Variants in PPP2R2B observed in about 807,000 individuals in gnomAD.
PPP2R2B encodes the protein protein phosphatase 2 regulatory subunit Bbeta, also known as serine/threonine-protein phosphatase 2A 55 kDa regulatory subunit B beta isoform.
PPP2R2B carries 5 observed loss-of-function variants against 46.0 expected under a neutral mutation model. The ratio of observed to expected loss-of-function variants is 0.11; its 90% CI spans 0.06 to 0.23. PPP2R2B has a LOEUF of 0.23. PPP2R2B is among the 10% of genes least tolerant of loss of function. The pLI is 1.00. For missense variants in PPP2R2B, 367 were observed against 575.0 expected (o/e 0.64, Z 3.70); for synonymous variants, 215 against 206.7 (o/e 1.04, Z -0.34).
chr5:146,864,221 T>G (rs2151398281), intron 2 of PPP2R2B, among the ~76,000 whole-genome samples: 1 of 152,174 alleles, frequency 6.6e-6, no homozygotes, highest in East Asian at 1.9e-4. Flanking sequence ...AACTATAGAA[T>G]GTTAACTACA....
chr5:147,022,129 T>C (rs1032489481), intron 1 of PPP2R2B, among the ~76,000 whole-genome samples: 2 of 151,966 alleles, frequency 1.3e-5, no homozygotes, highest in Non-Finnish European at 1.5e-5. Flanking sequence ...ACTAAAACAT[T>C]AAAAAGTGGC....
intron 2 of PPP2R2B, among the ~76,000 whole-genome samples, chr5:146,828,961 G>T (rs555462415): frequency 6.6e-6 from 1 of 152,094 alleles, no homozygotes; most frequent in Admixed American, 6.6e-5. Context: ...CTTTGATACA[G>T]GACAGCCTTC....
At chr5:146,869,618 G>A (rs1226735860) in intron 2 of PPP2R2B, among the ~76,000 whole-genome samples, 1 of 152,196 alleles carries the variant, frequency 6.6e-6, no homozygotes, top group Non-Finnish European at 1.5e-5. Flanking sequence ...TGAATAGAAA[G>A]ATGGCTCTGA....
At chr5:147,010,474 G>A (rs923493122) in intron 1 of PPP2R2B, among the ~76,000 whole-genome samples, 2 of 152,168 alleles carry the variant, frequency 1.3e-5, no homozygotes, top group Non-Finnish European at 2.9e-5. Flanking sequence ...ATGGTCCCAT[G>A]TTGGGGGTGA....
At chr5:146,708,051 TA>T (rs1779977217) in intron 2 of PPP2R2B, among the ~76,000 whole-genome samples, 1 of 152,198 alleles carries the variant, frequency 6.6e-6, no homozygotes, top group Admixed American at 6.5e-5. Context: ...TAAAACTTTT[TA>T]AAAATTTAAA....
intron 5 of PPP2R2B, among the ~76,000 whole-genome samples, chr5:146,682,504 A>T (rs371388): frequency 0.079 from 12,059 of 152,248 alleles, 1,243 homozygotes; most frequent in African/African-American, 0.25. Context: ...TGGTTTAAAA[A>T]TATGGCTGTG....
intron 1 of PPP2R2B, among the ~76,000 whole-genome samples, chr5:146,950,404 C>G (rs1295090554): frequency 2.0e-5 from 3 of 152,018 alleles, no homozygotes; most frequent in African/African-American, 7.2e-5. Flanking sequence ...CAGAGCCTGA[C>G]AGTTGTTCTA....
chr5:146,675,944 C>A (rs1777682440), intron 5 of PPP2R2B, among the ~76,000 whole-genome samples: 1 of 151,922 alleles, frequency 6.6e-6, no homozygotes, highest in Non-Finnish European at 1.5e-5. Flanking sequence ...TAATCGGAAG[C>A]TTATCTTTTC....
rs75981662 is a variant in PPP2R2B, at chr5:146,798,834, G to A, written c.70+79168C>T. On this transcript the variant is annotated intron_variant, in intron 2 of 9. Transcript: ENST00000394411. ...CTCCAGGGTATACAGCTAACAAATA[G>A]TAGATCTGGGAATCAGGTCCATGTC... Among the ~76,000 whole-genome samples, 1,478 of 152,262 alleles carry A rather than the reference G, an allele frequency of 9.7e-3. 27 individuals are homozygous for A. Among genetic ancestry groups the A allele is most frequent in the African/African-American group, 0.033 (1,386 of 41,552 alleles).
At chr5:147,031,136 C>T (rs1357348691) in intron 1 of PPP2R2B, among the ~76,000 whole-genome samples, 3 of 151,920 alleles carry the variant, frequency 2.0e-5, no homozygotes, top group Non-Finnish European at 4.4e-5. Flanking sequence ...ACTCGGGAGG[C>T]TGAGGCAGGA....
At chr5:146,779,257 G>T (rs1482371211) in intron 2 of PPP2R2B, among the ~76,000 whole-genome samples, 2 of 152,154 alleles carry the variant, frequency 1.3e-5, no homozygotes, top group Non-Finnish European at 2.9e-5. Flanking sequence ...AACTCTTTCA[G>T]AGATAACATG....
chr5:146,765,321 G>A (rs1281250367), intron 2 of PPP2R2B, among the ~76,000 whole-genome samples: 2 of 152,172 alleles, frequency 1.3e-5, no homozygotes, highest in African/African-American at 4.8e-5. Context: ...CCTTGTACTA[G>A]GGTAATTTTC....
At chr5:146,897,916 G>A (rs140238185) in intron 1 of PPP2R2B, among the ~76,000 whole-genome samples, 92 of 152,290 alleles carry the variant, frequency 6.0e-4, no homozygotes, top group Non-Finnish European at 1.1e-3. Context: ...AAGGCCAGGC[G>A]CAGTGGCTCA....
intron 8 of PPP2R2B, among the ~76,000 whole-genome samples, chr5:146,595,899 G>GTGTT (rs1483791064): frequency 6.6e-6 from 1 of 152,188 alleles, no homozygotes; most frequent in Admixed American, 6.5e-5. Context: ...TCCCAGTACA[G>GTGTT]TGTTTCTCAT....
intron 2 of PPP2R2B, among the ~76,000 whole-genome samples, chr5:146,712,506 G>A (rs1030729471): frequency 4.6e-5 from 7 of 152,082 alleles, no homozygotes; most frequent in South Asian, 2.1e-4. Context: ...ACTGAAAATC[G>A]GATATTTAGA....
intron 6 of PPP2R2B, among the ~76,000 whole-genome samples, chr5:146,639,553 C>T (rs947433306): frequency 3.3e-5 from 5 of 152,050 alleles, no homozygotes; most frequent in Non-Finnish European, 4.4e-5. Flanking sequence ...ACAGAGGGGC[C>T]GAGGTACTGT....
At chr5:147,080,534 A>C (rs896557085) in intron 2 of PPP2R2B, among the ~76,000 whole-genome samples, 2 of 152,220 alleles carry the variant, frequency 1.3e-5, no homozygotes, top group Admixed American at 6.5e-5. Context: ...CTTCAGGAGG[A>C]GGAAAACTAA....
intron 7 of PPP2R2B, among the ~76,000 whole-genome samples, chr5:146,613,915 G>A (rs1206119725): frequency 7.6e-6 from 1 of 130,796 alleles, no homozygotes; most frequent in Non-Finnish European, 1.5e-5. Flanking sequence ...CGTGAAAATG[G>A]CCATACTGCC....
At chr5:146,844,531 C>G (rs1759867733) in intron 2 of PPP2R2B, among the ~76,000 whole-genome samples, 1 of 152,182 alleles carries the variant, frequency 6.6e-6, no homozygotes, top group East Asian at 1.9e-4. Flanking sequence ...ATTTCAAGAA[C>G]AGCCAACCAT....
Sources: gnomAD v4.1 joint callset for allele counts (sites outside exome capture counted in the v4.1 genomes callset) on GRCh38, gnomAD v4.1.1 for gene constraint, MANE v1.5 for transcripts, NCBI Gene and HGNC (gene_info 2026-07-23, HGNC 2026-07-21) for gene names.